Variants in DLG5 observed in about 807,000 individuals in gnomAD.
The protein encoded by DLG5 is disks large homolog 5.
Under a neutral mutation model 189.8 loss-of-function variants are expected in DLG5, and 48 were observed. That is an observed-to-expected ratio of 0.25 (90% confidence interval 0.20 to 0.32). The LOEUF (loss-of-function observed/expected upper bound fraction) is 0.32, where lower values mean the gene tolerates loss of function less well. Among genes scored for constraint, DLG5 ranks in the 10% least tolerant of loss-of-function variants. The pLI, the probability that DLG5 is intolerant of heterozygous loss-of-function variation, is 1.00. For missense variants in DLG5, 2,160 were observed against 2,544.7 expected (o/e 0.85, Z 3.25); for synonymous variants, 1,016 against 1,054.1 (o/e 0.96, Z 0.70).
At chr10:77,829,580 C>T (rs747543366) in intron 11 of DLG5, 50 bp from the exon 12 acceptor site, 24 of 1,542,378 alleles carry the variant, frequency 1.6e-5, no homozygotes, top group African/African-American at 1.5e-4. Flanking sequence ...GTGGGACCAG[C>T]GGCTACCGCC....
chr10:77,830,119 G>A lies in DLG5; in HGVS notation c.2009+98C>T, dbSNP rs937176787. ...CAGACTGTGTGTGAGTCTAAGGCTG[G>A]GAAACGTTCACCTAAGTGCTACCTG... On this transcript the variant is annotated intron_variant, in intron 11 of 31. Transcript: ENST00000372391. 1.3e-5 allele frequency: 19 copies of A among 1,500,740 alleles called. No homozygotes were observed. The African/African-American group carries it at 1.5e-4, about 12-fold the overall frequency. The allele number at this position is 1,500,740 out of a possible 1,614,324, so 93.0% of individuals were successfully genotyped here.
Position 77,809,678 on chromosome 10 carries a change from T to C in DLG5, c.4516A>G (p.Lys1506Glu). The change falls in exon 24 of 32, where the codon AAA (lysine) becomes GAA (glutamate). Residue 1506 changes from lysine (K) to glutamate (E), a missense_variant. Lys to Glu is a moderately conservative substitution (Grantham distance 56, BLOSUM62 1). Around this residue, in one of 5 missense-constraint regions of DLG5, gnomAD observed 574 missense variants for 644.2 expected, o/e 0.89. Coordinates refer to ENST00000372391, the MANE Select transcript of DLG5 (RefSeq NM_004747.4). The stretch of plus-strand genomic sequence containing the variant: ...ACCCCAAGCTCCAGCTGGGACTTTT[T>C]GATGAAGACAACGCGTGGCTCCAGG... Reference protein sequence around the residue: ...KTLEPRVVFIKKSQLELGVHL... With the variant: ...KTLEPRVVFIEKSQLELGVHL... 1 of 1,614,188 alleles carries C rather than the reference T, an allele frequency of 6.2e-7. No homozygotes were observed.
chr10:77,922,886 G>A lies in DLG5; in HGVS notation c.304+3331C>T, dbSNP rs573083884. On this transcript the variant is annotated intron_variant, in intron 1 of 31. Transcript: ENST00000372391. ...TGAGCGTGGTAGGTTTAAATGTCTG[G>A]GGATCTAACTCAGCAAGAGTTGCCC... Among the ~76,000 whole-genome samples, 13 of 152,284 alleles carry A rather than the reference G, an allele frequency of 8.5e-5. No homozygotes were observed. In the South Asian group the frequency reaches 1.0e-3, roughly 12 times the overall value.
intron 25 of DLG5, among the ~76,000 whole-genome samples, chr10:77,807,514 G>A (rs1841536700): frequency 6.6e-6 from 1 of 152,176 alleles, no homozygotes; most frequent in Non-Finnish European, 1.5e-5. Flanking sequence ...ACCAGAAAAA[G>A]AGGAGCACAG....
intron 1 of DLG5, among the ~76,000 whole-genome samples, chr10:77,905,069 C>A (rs1306690893): frequency 2.0e-5 from 3 of 148,346 alleles, no homozygotes; most frequent in Admixed American, 6.8e-5. Context: ...GCAGAAGTTG[C>A]AGTGAGCCGA....
intron 20 of DLG5, among the ~76,000 whole-genome samples, chr10:77,814,152 A>G (rs1348865653): frequency 6.6e-6 from 1 of 151,732 alleles, no homozygotes. Flanking sequence ...TAATTTTTGT[A>G]TTTTTAGTAG....
At position 77,824,028 on chromosome 10, in the gene DLG5, C is replaced by T. The variant is rs78326011; in HGVS notation, c.2382+356G>A. Reference sequence around the variant, plus strand: ...GGTTACAGGCATGAGCAACCATGCCCGGCCATGACACATCACTTCTAACAA... The same window carrying T: ...GGTTACAGGCATGAGCAACCATGCCTGGCCATGACACATCACTTCTAACAA... On this transcript the variant is annotated intron_variant, in intron 14 of 31. Coordinates refer to ENST00000372391, the MANE Select transcript of DLG5 (RefSeq NM_004747.4). Among the ~76,000 whole-genome samples, 556 of 152,300 alleles carry T rather than the reference C, an allele frequency of 3.7e-3. 4 individuals carry two copies. The highest frequency in any genetic ancestry group is 0.012 in the African/African-American group (518 of 41,566).
chr10:77,873,565 A>G, intron 1 of DLG5, among the ~76,000 whole-genome samples: 1 of 152,232 alleles, frequency 6.6e-6, no homozygotes, highest in South Asian at 2.1e-4. Context: ...AAACCACCCG[A>G]ACAATAATGG....
chr10:77,854,130 T>C, intron 4 of DLG5, 97 bp downstream of exon 4: 1 of 1,486,178 alleles, frequency 6.7e-7, no homozygotes, highest in Non-Finnish European at 9.0e-7. Flanking sequence ...GGGACAGGAC[T>C]AGAACCAGAA....
chr10:77,831,537 G>A (rs1842896743), intron 9 of DLG5, among the ~76,000 whole-genome samples: 3 of 152,172 alleles, frequency 2.0e-5, no homozygotes, highest in East Asian at 1.9e-4. Flanking sequence ...AAAGTGGGAG[G>A]AAACTCTCTA....
intron 1 of DLG5, among the ~76,000 whole-genome samples, chr10:77,894,854 C>T (rs1028406139): frequency 6.6e-6 from 1 of 152,168 alleles, no homozygotes; most frequent in Admixed American, 6.5e-5. Flanking sequence ...CTGCCCTCCC[C>T]TAGCTGGCAC....
the DLG5 span, among the ~76,000 whole-genome samples, chr10:77,937,033 A>G: frequency 2.0e-5 from 3 of 152,078 alleles, no homozygotes; most frequent in Admixed American, 6.5e-5. Flanking sequence ...TAGTTTTCCA[A>G]TGCACAATGC....
chr10:77,843,722 T>G lies in DLG5; in HGVS notation c.865-16A>C. ...GCTTCAACACCTGGAGACCAGACAG[T>G]TTCACTTACCAAGGGTCTGTGGGAG... On this transcript the variant is annotated splice_polypyrimidine_tract_variant and intron_variant, in intron 5 of 31. Coordinates refer to ENST00000372391, the MANE Select transcript of DLG5 (RefSeq NM_004747.4). 6.2e-7 allele frequency: 1 copy of G among 1,613,896 alleles called. No individual in the cohort carries two copies. The highest frequency in any genetic ancestry group is 1.1e-5 in the South Asian group (1 of 91,070).
At chr10:77,866,468 T>C (rs958420131) in intron 2 of DLG5, among the ~76,000 whole-genome samples, 11 of 152,220 alleles carry the variant, frequency 7.2e-5, no homozygotes, top group Non-Finnish European at 1.6e-4. Flanking sequence ...GCCATACTGA[T>C]GGACTCTGGA....
intron 2 of DLG5, among the ~76,000 whole-genome samples, chr10:77,864,827 T>C (rs1424702119): frequency 1.3e-5 from 2 of 152,184 alleles, no homozygotes; most frequent in Non-Finnish European, 2.9e-5. Flanking sequence ...AGTACATGAC[T>C]CCAGTTCAGC....
chr10:77,811,793 C>A, intron 22 of DLG5, 131 bp downstream of exon 22: 1 of 1,325,826 alleles, frequency 7.5e-7, no homozygotes, highest in Non-Finnish European at 1.0e-6. Flanking sequence ...GGCTGGTCAA[C>A]TCTCTCTTTA....
chr10:77,870,974 G>A (rs1844874944), intron 1 of DLG5, among the ~76,000 whole-genome samples: 1 of 151,870 alleles, frequency 6.6e-6, no homozygotes, highest in Non-Finnish European at 1.5e-5. Flanking sequence ...AAGGGGGAGA[G>A]AAAAAAGAGA....
In DLG5 at chr10:77,811,224, C is replaced by G. The variant is rs1841755433; in HGVS notation, c.4333G>C (p.Asp1445His). The change falls in exon 23 of 32, where the codon GAC becomes CAC. Residue 1445 changes from aspartate (D) to histidine (H), a missense_variant. Transcript: ENST00000372391. ...SSHSRSSSHL[D>H]PAGTHSTLQG... is the part of the protein sequence containing the mutation. ...AGAGTGGAGTGGGTACCGGCAGGGT[C>G]CAGGTGTGAGCTGGAGGCGGAGGAC... 3 of 1,612,930 alleles carry G rather than the reference C, an allele frequency of 1.9e-6. No homozygotes were observed. The highest frequency in any genetic ancestry group is 2.7e-5 in the African/African-American group (2 of 74,866).
At chr10:77,815,009 C>A (rs1841981879) in intron 20 of DLG5, among the ~76,000 whole-genome samples, 1 of 152,156 alleles carries the variant, frequency 6.6e-6, no homozygotes, top group African/African-American at 2.4e-5. Flanking sequence ...CGGATCCTAA[C>A]CACCGTGAGG....
Sources: gnomAD v4.1 joint callset for allele counts (sites outside exome capture counted in the v4.1 genomes callset) on GRCh38, gnomAD v4.1.1 for gene constraint, gnomAD v4.1.1 regional missense constraint, MANE v1.5 for transcripts, NCBI Gene and HGNC (gene_info 2026-07-23, HGNC 2026-07-21) for gene names.